The following SMC6 variants were observed in gnomAD, a reference collection of about 807,000 sequenced individuals.
SMC6 encodes structural maintenance of chromosomes protein 6.
In SMC6, 79 loss-of-function variants were observed where a neutral mutation model predicts 142.2. That is an observed-to-expected ratio of 0.56 (90% CI 0.46 to 0.67). The LOEUF (loss-of-function observed/expected upper bound fraction) is 0.67, where lower values mean the gene tolerates loss of function less well. Ranked by LOEUF, SMC6 falls within the 30% of genes least tolerant of loss-of-function variation. SMC6 has a pLI of 0.00. For synonymous variants in SMC6, 411 were observed against 412.4 expected (o/e 1.00, Z 0.04); for missense variants, 1,072 against 1,284.0 (o/e 0.83, Z 2.52).
chr2:17,685,485 T>C (rs1230518366), intron 23 of SMC6, among the ~76,000 whole-genome samples: 1 of 152,084 alleles, frequency 6.6e-6, no homozygotes, highest in Non-Finnish European at 1.5e-5. Context: ...TTGTAAAACA[T>C]AGAAAATATT....
chr2:17,720,538 A>T (rs2125011827), intron 11 of SMC6, among the ~76,000 whole-genome samples: 1 of 152,322 alleles, frequency 6.6e-6, no homozygotes, highest in Admixed American at 6.5e-5. Flanking sequence ...CTGAGTTCTC[A>T]TACTTTCTGA....
chr2:17,693,632 T>C (rs1667841142), intron 23 of SMC6, among the ~76,000 whole-genome samples: 1 of 151,984 alleles, frequency 6.6e-6, no homozygotes, highest in Non-Finnish European at 1.5e-5. Context: ...GGCACATGTA[T>C]ACATATGTAA....
At chr2:17,734,224 G>A (rs1670039397) in intron 5 of SMC6, among the ~76,000 whole-genome samples, 1 of 152,140 alleles carries the variant, frequency 6.6e-6, no homozygotes, top group African/African-American at 2.4e-5. Flanking sequence ...TCTCAGTCTG[G>A]TCCCTCAAGA....
chr2:17,684,873 CT>C (rs1388691382), intron 23 of SMC6, among the ~76,000 whole-genome samples: 2 of 151,848 alleles, frequency 1.3e-5, no homozygotes, highest in African/African-American at 2.4e-5. Flanking sequence ...TAGACAAGTG[CT>C]ACCAGGAAGG....
chr2:17,701,446 T>G (rs991131496), intron 20 of SMC6, among the ~76,000 whole-genome samples: 4 of 152,144 alleles, frequency 2.6e-5, no homozygotes, highest in African/African-American at 9.7e-5. Flanking sequence ...CAACTAGAAC[T>G]GACTAAAAGA....
At chr2:17,673,864 C>T (rs552140237) in intron 25 of SMC6, among the ~76,000 whole-genome samples, 6 of 152,152 alleles carry the variant, frequency 3.9e-5, no homozygotes, top group East Asian at 1.9e-4. Flanking sequence ...CCACCACGCC[C>T]GGCCGCTTAC....
chr2:17,708,634 C>A lies in SMC6; in HGVS notation c.1845+5G>T, dbSNP rs1414117307. On this transcript the variant is annotated splice_donor_5th_base_variant and intron_variant, in intron 17 of 27. Coordinates refer to ENST00000448223, the MANE Select transcript of SMC6 (RefSeq NM_001142286.2). ...TCAAATACAGCAAAGATCTGGAGGT[C>A]TTACTTTGATTAGTAGCACTGTCTC... 2.8e-6 allele frequency: 4 copies of A among 1,440,880 alleles called. No homozygotes were observed. In the African/African-American group the frequency reaches 4.4e-5, roughly 16 times the overall value. The allele number at this position is 1,440,880 out of a possible 1,614,324, so 89.3% of individuals were successfully genotyped here.
At chr2:17,680,072 A>G (rs1667172358) in intron 24 of SMC6, 1 of 152,166 alleles carries the variant, frequency 6.6e-6, no homozygotes, top group African/African-American at 2.4e-5. Flanking sequence ...TTCAATACAG[A>G]TATGTATTCA....
chr2:17,684,672 T>A (rs889859486), intron 23 of SMC6, among the ~76,000 whole-genome samples: 1 of 151,674 alleles, frequency 6.6e-6, no homozygotes, highest in African/African-American at 2.4e-5. Flanking sequence ...AATAATAAAA[T>A]AAAAATTAGC....
intron 5 of SMC6, among the ~76,000 whole-genome samples, chr2:17,732,987 G>C (rs1023261962): frequency 2.6e-5 from 4 of 152,132 alleles, no homozygotes; most frequent in African/African-American, 9.7e-5. Flanking sequence ...AGATGCTGAT[G>C]AAGGACATTA....
chr2:17,668,414 T>A (rs1666603371), intron 26 of SMC6, among the ~76,000 whole-genome samples: 1 of 152,178 alleles, frequency 6.6e-6, no homozygotes, highest in African/African-American at 2.4e-5. Context: ...ACGGTCATTA[T>A]AGACTAGGCA....
rs755211350 is a variant in SMC6 at position 17,665,479 on chromosome 2, A to G, written c.*20T>C. 1.1e-5 allele frequency: 17 copies of G among 1,555,172 alleles called. No individual in the cohort carries two copies. In the East Asian group the frequency reaches 3.9e-4, roughly 35 times the overall value. ...TTCACAAATCCTTCAACATCAGGAC[A>G]AGGCATGTTAAGTTACAAATCACCT... is the stretch of plus-strand genomic sequence containing the variant. On this transcript the variant is annotated 3_prime_UTR_variant, in exon 28 of 28. Transcript: ENST00000448223.
rs1422438172 is a variant in SMC6 at position 17,726,417 on chromosome 2, T to C, written c.596A>G (p.Gln199Arg). The change falls in exon 8 of 28, where the codon CAG (glutamine) becomes CGG (arginine). Residue 199 changes from glutamine (Q) to arginine (R), a missense_variant. Coordinates refer to ENST00000448223, the MANE Select transcript of SMC6 (RefSeq NM_001142286.2). ...GTATTTGTCTCCTTCATTTTTAGAC[T>C]GTAAGAACTGCTTGCTCATTTCTTG... ...LTQEMSKQFLQSKNEGDKYKF... is the reference protein window; with the variant it reads ...LTQEMSKQFLRSKNEGDKYKF... 1.2e-6 allele frequency: 2 copies of C among 1,612,268 alleles called. No individual in the cohort carries two copies. Among genetic ancestry groups the C allele is most frequent in the East Asian group, 4.5e-5 (2 of 44,752 alleles).
At chr2:17,708,438 A>G (rs9306855) in intron 17 of SMC6, among the ~76,000 whole-genome samples, 77,833 of 151,972 alleles carry the variant, frequency 0.51, 22,622 homozygotes, top group African/African-American at 0.78. Context: ...ACAGCTGAAA[A>G]TTATAAAGTT....
rs529609124 is a variant in SMC6, at chr2:17,675,187, G to C, written c.2910+3672C>G. Among the ~76,000 whole-genome samples, 3 of 152,050 alleles carry C rather than the reference G, an allele frequency of 2.0e-5. No individual in the cohort carries two copies. The Middle Eastern group carries it at 0.01, about 517-fold the overall frequency. On this transcript the variant is annotated intron_variant, in intron 25 of 27. Transcript: ENST00000448223. ...CTTTTAAAATTCAGTGGTTACTCTAGAGATTGCAATATGTATTGCTGATGT... is the reference window on the plus strand; with the variant it reads ...CTTTTAAAATTCAGTGGTTACTCTACAGATTGCAATATGTATTGCTGATGT...
At chr2:17,727,434 T>C (rs1669684396) in intron 7 of SMC6, among the ~76,000 whole-genome samples, 1 of 152,090 alleles carries the variant, frequency 6.6e-6, no homozygotes, top group Non-Finnish European at 1.5e-5. Context: ...CTGGCTCTCC[T>C]TGCTCCTCAG....
At chr2:17,673,825 T>C (rs147630447) in intron 25 of SMC6, among the ~76,000 whole-genome samples, 230 of 152,150 alleles carry the variant, frequency 1.5e-3, no homozygotes, top group African/African-American at 5.2e-3. Flanking sequence ...CACCTCAGCC[T>C]CCCAAAGTGC....
At chr2:17,731,426 G>A (rs1003627271) in intron 6 of SMC6, among the ~76,000 whole-genome samples, 1 of 152,086 alleles carries the variant, frequency 6.6e-6, no homozygotes, top group Non-Finnish European at 1.5e-5. Context: ...ATGTCATTTT[G>A]CACCTTTTGC....
chr2:17,665,617 G>A lies in SMC6; in HGVS notation c.3162-4C>T. The A allele has an allele frequency of 6.4e-7, 1 of 1,557,170 alleles. No homozygotes were observed. The highest frequency in any genetic ancestry group is 1.2e-5 in the South Asian group (1 of 84,212). On this transcript the variant is annotated splice_region_variant and splice_polypyrimidine_tract_variant and intron_variant, in intron 27 of 27. Coordinates refer to ENST00000448223, the MANE Select transcript of SMC6 (RefSeq NM_001142286.2). Reference sequence around the variant, plus strand: ...CAGTTTACTGGATGGAAGTGAACTAGAAGAAGCAAAATCAATTACTCAAAT... The same window carrying A: ...CAGTTTACTGGATGGAAGTGAACTAAAAGAAGCAAAATCAATTACTCAAAT...
Sources: allele counts gnomAD v4.1 joint callset (sites outside exome capture counted in the v4.1 genomes callset), GRCh38; gene constraint gnomAD v4.1.1; transcripts MANE v1.5; gene names NCBI Gene and HGNC (gene_info 2026-07-23, HGNC 2026-07-21).